AKT3: variants seen among roughly 807,000 people sequenced by gnomAD.
AKT3 encodes RAC-gamma serine/threonine-protein kinase.
In AKT3, 15 loss-of-function variants were observed where a neutral mutation model predicts 65.3. That is an observed-to-expected ratio of 0.23 (90% CI 0.15 to 0.35). The LOEUF (loss-of-function observed/expected upper bound fraction) is 0.35, where lower values mean the gene tolerates loss of function less well. Among genes scored for constraint, AKT3 ranks in the 10% least tolerant of loss-of-function variants. AKT3 has a pLI of 1.00. For synonymous variants in AKT3, 206 were observed against 183.8 expected (o/e 1.12, Z -0.98); for missense variants, 243 against 576.5 (o/e 0.42, Z 5.92).
chr1:243,790,769 C>T (rs908517899), intron 2 of AKT3, among the ~76,000 whole-genome samples: 2 of 152,078 alleles, frequency 1.3e-5, no homozygotes, highest in African/African-American at 4.8e-5. Flanking sequence ...CATGTAGAGG[C>T]CATTTTAGGG....
chr1:243,649,717 TCCATGTG>T (rs1415561941), intron 4 of AKT3, among the ~76,000 whole-genome samples: 1 of 152,146 alleles, frequency 6.6e-6, no homozygotes, highest in Non-Finnish European at 1.5e-5. Context: ...TCCAGCTTCA[TCCATGTG>T]CCTGCAAAGG....
chr1:243,797,099 T>C (rs1406056235), intron 2 of AKT3, among the ~76,000 whole-genome samples: 2 of 152,060 alleles, frequency 1.3e-5, no homozygotes, highest in Non-Finnish European at 2.9e-5. Flanking sequence ...CGCTGAAACG[T>C]GCACTTACAA....
At chr1:243,795,449 G>GTTTTGTTT (rs1691898953) in intron 2 of AKT3, among the ~76,000 whole-genome samples, 10 of 93,482 alleles carry the variant, frequency 1.1e-4, no homozygotes, top group African/African-American at 4.4e-4. Context: ...TGATCTCCTT[G>GTTTTGTTT]TTTTTTTTTT....
At chr1:243,764,324 T>C (rs1408477448) in intron 2 of AKT3, among the ~76,000 whole-genome samples, 3 of 152,032 alleles carry the variant, frequency 2.0e-5, no homozygotes, top group Admixed American at 1.3e-4. Flanking sequence ...GGAAGAAAAT[T>C]AGTCAAAATG....
intron 8 of AKT3, among the ~76,000 whole-genome samples, chr1:243,604,927 C>T (rs1677283355): frequency 1.3e-5 from 2 of 152,138 alleles, no homozygotes; most frequent in African/African-American, 4.8e-5. Context: ...CCAAACATTC[C>T]TTAGAACGGT....
At chr1:243,616,747 A>T (rs766714964) in intron 6 of AKT3, among the ~76,000 whole-genome samples, 30 of 152,204 alleles carry the variant, frequency 2.0e-4, no homozygotes, top group Non-Finnish European at 3.7e-4. Flanking sequence ...AATGATAACT[A>T]GATTAATCAA....
At chr1:243,630,743 A>AT (rs1205291515) in intron 6 of AKT3, among the ~76,000 whole-genome samples, 2 of 152,192 alleles carry the variant, frequency 1.3e-5, no homozygotes, top group Non-Finnish European at 2.9e-5. Context: ...GACAGGGTTT[A>AT]TAACATTTTC....
chr1:243,845,665 A>T (rs1695490081), intron 1 of AKT3, among the ~76,000 whole-genome samples: 2 of 151,742 alleles, frequency 1.3e-5, no homozygotes, highest in African/African-American at 2.4e-5. Flanking sequence ...ATGCATGTAA[A>T]ATCATTTTAA....
chr1:243,717,551 T>G lies in AKT3; in HGVS notation c.47-21835A>C, dbSNP rs185436347. 4.0e-3 allele frequency among the ~76,000 whole-genome samples: 612 copies of G among 152,320 alleles called. 13 individuals are homozygous for G. The South Asian group carries it at 0.051, about 13-fold the overall frequency. ...TTGCTACTTTAATATTTGCTTTCAT[T>G]CTCCTTACTTCATATGAGAGACAAG... On this transcript the variant is annotated intron_variant, in intron 2 of 13. Coordinates refer to ENST00000673466, the MANE Select transcript of AKT3 (RefSeq NM_005465.7).
chr1:243,695,012 C>T (rs1009912087), intron 3 of AKT3, among the ~76,000 whole-genome samples: 22 of 151,934 alleles, frequency 1.4e-4, no homozygotes, highest in African/African-American at 5.3e-4. Flanking sequence ...AATAACATAA[C>T]AATAATAATC....
At chr1:243,570,641 C>T (rs1474894814) in intron 9 of AKT3, among the ~76,000 whole-genome samples, 1 of 152,082 alleles carries the variant, frequency 6.6e-6, no homozygotes, top group Non-Finnish European at 1.5e-5. Context: ...AATTAAAGAC[C>T]AGCTCAAAAT....
chr1:243,787,469 C>A (rs1020492255), intron 2 of AKT3, among the ~76,000 whole-genome samples: 6 of 152,160 alleles, frequency 3.9e-5, no homozygotes, highest in Non-Finnish European at 8.8e-5. Context: ...GCATCCTCCA[C>A]ACTTCCCACC....
In AKT3 at chr1:243,692,734, T is replaced by TA. The variant is rs541217321; in HGVS notation, c.172+2856dup. ...GCCCGGGGGACAGAGTGAGACTGTC[T>TA]AAAAAAAAAAAAATTTATGTGTTTT... On this transcript the variant is annotated intron_variant, in intron 3 of 13. Coordinates refer to ENST00000673466, the MANE Select transcript of AKT3 (RefSeq NM_005465.7). 7.2e-3 allele frequency among the ~76,000 whole-genome samples: 1,058 copies of TA among 146,120 alleles called. 16 individuals are homozygous for TA. The highest frequency in any genetic ancestry group is 0.07 in the East Asian group (355 of 5,038).
At chr1:243,839,354 T>C (rs1031484199) in intron 2 of AKT3, among the ~76,000 whole-genome samples, 1 of 152,166 alleles carries the variant, frequency 6.6e-6, no homozygotes, top group Non-Finnish European at 1.5e-5. Flanking sequence ...GATCATTTAG[T>C]AAGTATTTAA....
rs115869653 is a variant in AKT3, at chr1:243,626,519, G to A, written c.561+11092C>T. ...AAGAACCTCAGTTCAAATCATCAGA[G>A]GTGATGGGCTACCAAATTAATCAGG... On this transcript the variant is annotated intron_variant, in intron 6 of 13. Coordinates refer to ENST00000673466, the MANE Select transcript of AKT3 (RefSeq NM_005465.7). Among the ~76,000 whole-genome samples, 994 of 152,308 alleles carry A rather than the reference G, an allele frequency of 6.5e-3. 10 individuals carry two copies. The highest frequency in any genetic ancestry group is 0.023 in the African/African-American group (941 of 41,554).
At chr1:243,786,329 C>A (rs1691259140) in intron 2 of AKT3, among the ~76,000 whole-genome samples, 1 of 152,142 alleles carries the variant, frequency 6.6e-6, no homozygotes, top group Non-Finnish European at 1.5e-5. Flanking sequence ...TTCCCAAAGA[C>A]TTCTAATTGA....
chr1:243,730,651 G>A (rs773305272), intron 2 of AKT3, among the ~76,000 whole-genome samples: 8 of 152,182 alleles, frequency 5.3e-5, no homozygotes, highest in African/African-American at 7.2e-5. Flanking sequence ...GGGAGCCGCC[G>A]GCTGGGGTGA....
At chr1:243,833,166 T>C (rs1241529148) in intron 2 of AKT3, among the ~76,000 whole-genome samples, 3 of 151,974 alleles carry the variant, frequency 2.0e-5, no homozygotes, top group East Asian at 1.9e-4. Context: ...GCAGGAGAAT[T>C]GTTTGTACCT....
At chr1:243,824,496 C>A (rs986884506) in intron 2 of AKT3, among the ~76,000 whole-genome samples, 5 of 152,210 alleles carry the variant, frequency 3.3e-5, no homozygotes, top group African/African-American at 1.2e-4. Flanking sequence ...AAAATTTTTG[C>A]AATCTATCCA....
Sources: allele counts gnomAD v4.1 joint callset (sites outside exome capture counted in the v4.1 genomes callset), GRCh38; gene constraint gnomAD v4.1.1; transcripts MANE v1.5; gene names NCBI Gene and HGNC (gene_info 2026-07-23, HGNC 2026-07-21).